STN1: variants seen among roughly 807,000 people sequenced by gnomAD.
The protein encoded by STN1 is CST complex subunit STN1.
Under a neutral mutation model 45.5 loss-of-function variants are expected in STN1, and 29 were observed. The ratio of observed to expected loss-of-function variants is 0.64; its 90% CI spans 0.47 to 0.87. The LOEUF (loss-of-function observed/expected upper bound fraction) is 0.87. Among genes scored for constraint, STN1 ranks in the 40% least tolerant of loss-of-function variants. The probability of loss-of-function intolerance (pLI) is 0.00; values close to 1 mark genes in which losing one functional copy is unlikely to be tolerated. For synonymous variants in STN1, 148 were observed against 159.0 expected (o/e 0.93, Z 0.52); for missense variants, 376 against 441.4 (o/e 0.85, Z 1.33).
rs1037886948 is a variant in STN1 at position 103,882,034 on chromosome 10, G to A, written c.*650C>T. ...AGGGAAATGTACTGGGACACCTTTCGATTCCCAAGGAAATAAAAGGAAAAT... is the reference window on the plus strand; with the variant it reads ...AGGGAAATGTACTGGGACACCTTTCAATTCCCAAGGAAATAAAAGGAAAAT... On this transcript the variant is annotated 3_prime_UTR_variant, in exon 10 of 10. Transcript: ENST00000224950. Among the ~76,000 whole-genome samples, 12 of 152,202 alleles carry A rather than the reference G, an allele frequency of 7.9e-5. No homozygotes were observed. The highest frequency in any genetic ancestry group is 2.9e-4 in the African/African-American group (12 of 41,452).
chr10:103,915,906 G>A (rs138867815), intron 2 of STN1, among the ~76,000 whole-genome samples: 1 of 151,996 alleles, frequency 6.6e-6, no homozygotes, highest in Non-Finnish European at 1.5e-5. Flanking sequence ...TCCCTCACAC[G>A]TGCAGTTCAC....
Position 103,905,125 on chromosome 10 carries a change from G to C in STN1, c.261C>G (p.Ile87Met). ...ACTCAGTATTCAACTTTTTCCAGCA[G>C]ATGCAGTTTATAACTCCAGTGCTGT... is the stretch of plus-strand genomic sequence containing the variant. ...VDDSTGVINCICWKKLNTESV... is the reference protein window; with the variant it reads ...VDDSTGVINCMCWKKLNTESV... The change falls in exon 4 of 10, where the codon ATC (isoleucine) becomes ATG (methionine). Residue 87 changes from isoleucine (I) to methionine (M), a missense_variant. By Grantham distance (10) the Ile-to-Met change is conservative (BLOSUM62 1). Coordinates refer to ENST00000224950, the MANE Select transcript of STN1 (RefSeq NM_024928.5). 1 of 1,614,098 alleles carries C rather than the reference G, an allele frequency of 6.2e-7. No individual in the cohort carries two copies.
At chr10:103,915,208 CAG>C (rs1478365639) in intron 2 of STN1, among the ~76,000 whole-genome samples, 1 of 152,152 alleles carries the variant, frequency 6.6e-6, no homozygotes, top group Non-Finnish European at 1.5e-5. Context: ...CCTCAGTGTC[CAG>C]AGTTTTTACT....
At position 103,909,354 on chromosome 10, in the gene STN1, CAA is replaced by C. The variant is rs1182343917; in HGVS notation, c.229+1171_229+1172del. Among the ~76,000 whole-genome samples, 326 of 61,262 alleles carry C rather than the reference CAA, an allele frequency of 5.3e-3. 59 individuals are homozygous for C. Among genetic ancestry groups the C allele is most frequent in the African/African-American group, 8.3e-3 (129 of 15,466 alleles). The allele number at this position is 61,262 out of a possible 152,430, so 40.2% of individuals were successfully genotyped here. Reference sequence around the variant, plus strand: ...CTGACAGGATGATCCTTTTCAGAATCAAAAAAAAAAAATATATATATATATGT... The same window carrying C: ...CTGACAGGATGATCCTTTTCAGAATCAAAAAAAAAATATATATATATATGT... On this transcript the variant is annotated intron_variant, in intron 3 of 9. Transcript: ENST00000224950.
In STN1 at chr10:103,878,090, G is replaced by A. The variant is rs1170266640; in HGVS notation, c.*4594C>T. On this transcript the variant is annotated 3_prime_UTR_variant, in exon 10 of 10. Coordinates refer to ENST00000224950, the MANE Select transcript of STN1 (RefSeq NM_024928.5). ...GCACACCATCAGAGGAGAAAATAAT[G>A]AGAAAGAAGTGTCTTACAGGGATGG... The A allele has an allele frequency of 6.6e-6, 1 of 152,234 alleles. No individual in the cohort carries two copies. The highest frequency in any genetic ancestry group is 1.5e-5 in the Non-Finnish European group (1 of 68,048). The allele number at this position is 152,234 out of a possible 1,614,324, so 9.4% of individuals were successfully genotyped here.
chr10:103,884,434 C>T (rs944197076), intron 9 of STN1, among the ~76,000 whole-genome samples: 7 of 152,096 alleles, frequency 4.6e-5, no homozygotes, highest in Admixed American at 4.6e-4. Flanking sequence ...TCATATACAT[C>T]TTATGCATTA....
chr10:103,911,480 G>A (rs777808789), intron 2 of STN1, among the ~76,000 whole-genome samples: 21 of 151,888 alleles, frequency 1.4e-4, no homozygotes, highest in South Asian at 2.1e-4. Flanking sequence ...TCTTCCCCCC[G>A]CCCCCATGAC....
chr10:103,894,094 C>T (rs188948909), intron 7 of STN1, among the ~76,000 whole-genome samples: 1 of 152,330 alleles, frequency 6.6e-6, no homozygotes, highest in Admixed American at 6.5e-5. Flanking sequence ...TAATTTCATA[C>T]ATGAGTGCTC....
rs749751313 is a variant in STN1, at chr10:103,882,847, G to A, written c.950-6C>T. ...GTGACAGCCCTTCTCCATGTCTGCA[G>A]GAAAAAGGTAGGTGGCTGAGTGTGG... On this transcript the variant is annotated splice_polypyrimidine_tract_variant and splice_region_variant and intron_variant, in intron 9 of 9. Transcript: ENST00000224950. 1.9e-6 allele frequency: 3 copies of A among 1,607,838 alleles called. No homozygotes were observed. Among genetic ancestry groups the A allele is most frequent in the South Asian group, 2.2e-5 (2 of 90,334 alleles).
chr10:103,908,578 A>C (rs1843259479), intron 3 of STN1, among the ~76,000 whole-genome samples: 1 of 152,224 alleles, frequency 6.6e-6, no homozygotes, highest in African/African-American at 2.4e-5. Flanking sequence ...GGAGAGGGGC[A>C]GTTCTCCACA....
At chr10:103,905,828 T>G (rs1843237010) in intron 3 of STN1, among the ~76,000 whole-genome samples, 1 of 152,208 alleles carries the variant, frequency 6.6e-6, no homozygotes, top group Admixed American at 6.5e-5. Context: ...CTTATGTTAT[T>G]CCTGGCTTAT....
At chr10:103,899,581 G>A (rs916650963) in intron 5 of STN1, among the ~76,000 whole-genome samples, 1 of 151,602 alleles carries the variant, frequency 6.6e-6, no homozygotes, top group African/African-American at 2.4e-5. Context: ...CAGCTACTCA[G>A]AAGGCTGAGG....
At chr10:103,883,735 A>C (rs138903312) in intron 9 of STN1, among the ~76,000 whole-genome samples, 4 of 152,290 alleles carry the variant, frequency 2.6e-5, no homozygotes, top group African/African-American at 9.6e-5. Context: ...TAAACCAATG[A>C]GAATTCCTGA....
Position 103,882,018 on chromosome 10 carries a change from T to C in STN1, c.*666A>G, listed in dbSNP as rs941721715. ...GCACCTCTGTAAGTGCAGGGAAATG[T>C]ACTGGGACACCTTTCGATTCCCAAG... On this transcript the variant is annotated 3_prime_UTR_variant, in exon 10 of 10. Transcript: ENST00000224950. 5.2e-4 allele frequency among the ~76,000 whole-genome samples: 79 copies of C among 152,344 alleles called. No homozygotes were observed. The highest frequency in any genetic ancestry group is 3.4e-3 in the Middle Eastern group (1 of 294).
chr10:103,891,470 T>C (rs1284188674), intron 8 of STN1, among the ~76,000 whole-genome samples: 2 of 152,170 alleles, frequency 1.3e-5, no homozygotes, highest in Non-Finnish European at 2.9e-5. Flanking sequence ...AGTTGGGGTG[T>C]TGCTCCTGGT....
intron 7 of STN1, among the ~76,000 whole-genome samples, chr10:103,893,708 C>T (rs953486538): frequency 6.6e-6 from 1 of 152,176 alleles, no homozygotes; most frequent in African/African-American, 2.4e-5. Context: ...CAAGTGTTCA[C>T]AAGTCCGTCC....
intron 9 of STN1, among the ~76,000 whole-genome samples, chr10:103,883,362 T>C (rs555383359): frequency 6.6e-6 from 1 of 152,216 alleles, no homozygotes; most frequent in South Asian, 2.1e-4. Flanking sequence ...CCAAAAGTCT[T>C]ATCTGTGATG....
At chr10:103,913,886 C>T (rs1843307237) in intron 2 of STN1, among the ~76,000 whole-genome samples, 1 of 152,010 alleles carries the variant, frequency 6.6e-6, no homozygotes, top group Middle Eastern at 3.4e-3. Context: ...CATCAGAGGA[C>T]CCCCTGGATC....
chr10:103,895,741 T>C (rs576848912), intron 7 of STN1, among the ~76,000 whole-genome samples: 12 of 152,340 alleles, frequency 7.9e-5, no homozygotes, highest in African/African-American at 2.6e-4. Flanking sequence ...TGTGACTCAG[T>C]ATCTGTTCCA....
Sources: allele counts gnomAD v4.1 joint callset (sites outside exome capture counted in the v4.1 genomes callset), GRCh38; gene constraint gnomAD v4.1.1; transcripts MANE v1.5; gene names NCBI Gene and HGNC (gene_info 2026-07-23, HGNC 2026-07-21).